The following KIZ variants were observed in gnomAD, a reference collection of about 807,000 sequenced individuals.
KIZ encodes the protein kizuna centrosomal protein, also known as centrosomal protein kizuna.
A neutral mutation model predicts 79.6 loss-of-function variants in KIZ; 68 were observed. The observed-to-expected ratio is 0.85, with a 90% confidence interval of 0.70 to 1.05. The LOEUF (loss-of-function observed/expected upper bound fraction) is 1.05. KIZ is among the 50% of genes least tolerant of loss of function. The pLI, the probability that KIZ is intolerant of heterozygous loss-of-function variation, is 0.00. For missense variants in KIZ, 797 were observed against 800.4 expected, an observed-to-expected ratio of 1.00 and a Z score of 0.05; for synonymous variants, 280 against 281.8, an observed-to-expected ratio of 0.99 and a Z score of 0.06.
chr20:21,127,339 A>C lies in KIZ; in HGVS notation c.89+1135A>C, dbSNP rs190919763. ...TGTAGAGCCTTCCCTGTTTCAACCCATTCCCTAACTTTTGTGACTCTTGGC... is the reference window on the plus strand; with the variant it reads ...TGTAGAGCCTTCCCTGTTTCAACCCCTTCCCTAACTTTTGTGACTCTTGGC... On this transcript the variant is annotated intron_variant, in intron 1 of 12. Transcript: ENST00000619189. 8.8e-4 allele frequency among the ~76,000 whole-genome samples: 134 copies of C among 152,300 alleles called. 1 individual carries two copies. Among genetic ancestry groups the C allele is most frequent in the African/African-American group, 3.1e-3 (130 of 41,566 alleles).
intron 4 of KIZ, among the ~76,000 whole-genome samples, chr20:21,161,600 G>A (rs896815363): frequency 6.6e-6 from 1 of 152,090 alleles, no homozygotes; most frequent in Non-Finnish European, 1.5e-5. Flanking sequence ...CCAAAGTGCT[G>A]GGATTACAGG....
intron 9 of KIZ, among the ~76,000 whole-genome samples, chr20:21,216,074 G>A (rs531700166): frequency 3.9e-5 from 6 of 152,102 alleles, no homozygotes; most frequent in African/African-American, 1.2e-4. Flanking sequence ...GGAAGCTTGC[G>A]TTTGCCTCAG....
At position 21,161,892 on chromosome 20, in the gene KIZ, A is replaced by G. The variant is rs1002025748; in HGVS notation, c.427A>G (p.Asn143Asp). Reference sequence around the variant, plus strand: ...GCAGGTTGCAGTGCACGAGGGGATTAACTCAGGAACAGCCATGTCAAGAGG... The same window carrying G: ...GCAGGTTGCAGTGCACGAGGGGATTGACTCAGGAACAGCCATGTCAAGAGG... ...REKVAVHEGI[N>D]SGTAMSRGLY... Residue 143 changes from asparagine (N) to aspartate (D), a missense_variant, in exon 5 of 13, where the codon AAC becomes GAC. Physicochemically the swap from Asn to Asp is conservative, Grantham distance 23. Transcript: ENST00000619189. The G allele has an allele frequency of 6.2e-7, 1 of 1,612,692 alleles. No individual in the cohort carries two copies. Among genetic ancestry groups the G allele is most frequent in the Non-Finnish European group, 8.5e-7 (1 of 1,178,964 alleles).
chr20:21,236,087 C>G (rs939506978), intron 11 of KIZ, among the ~76,000 whole-genome samples: 1 of 152,242 alleles, frequency 6.6e-6, no homozygotes, highest in African/African-American at 2.4e-5. Context: ...TGTCACGTTT[C>G]TTATCACAAG....
chr20:21,242,490 T>A (rs1444700284), intron 11 of KIZ, among the ~76,000 whole-genome samples: 1 of 150,732 alleles, frequency 6.6e-6, no homozygotes, highest in Non-Finnish European at 1.5e-5. Flanking sequence ...AGCTGATAGT[T>A]TTGTTGACCA....
At chr20:21,222,108 G>T (rs909377700) in intron 9 of KIZ, among the ~76,000 whole-genome samples, 1 of 152,258 alleles carries the variant, frequency 6.6e-6, no homozygotes, top group Non-Finnish European at 1.5e-5. Flanking sequence ...GGAGCCTGCT[G>T]CCTGCTACTT....
chr20:21,150,137 C>A (rs2033047098), intron 4 of KIZ, among the ~76,000 whole-genome samples: 1 of 152,232 alleles, frequency 6.6e-6, no homozygotes, highest in African/African-American at 2.4e-5. Context: ...AGGTCTGTCA[C>A]TACCAGAGTG....
chr20:21,221,286 A>T (rs906265150), intron 9 of KIZ, among the ~76,000 whole-genome samples: 2 of 152,222 alleles, frequency 1.3e-5, no homozygotes, highest in Non-Finnish European at 1.5e-5. Flanking sequence ...TCATAAAAAT[A>T]CAGCACCTAG....
intron 4 of KIZ, among the ~76,000 whole-genome samples, chr20:21,157,387 G>A (rs149395594): frequency 4.6e-5 from 7 of 152,278 alleles, no homozygotes; most frequent in African/African-American, 1.4e-4. Context: ...AGGACCCAGA[G>A]TTCAGTATTC....
At chr20:21,148,281 T>C (rs2032949841) in intron 4 of KIZ, among the ~76,000 whole-genome samples, 1 of 152,144 alleles carries the variant, frequency 6.6e-6, no homozygotes, top group African/African-American at 2.4e-5. Context: ...CTTTCAACCA[T>C]AGGCAGTAAC....
chr20:21,160,543 C>G (rs1275496213), intron 4 of KIZ, among the ~76,000 whole-genome samples: 3 of 152,114 alleles, frequency 2.0e-5, no homozygotes, highest in Non-Finnish European at 4.4e-5. Flanking sequence ...CATGTACTCC[C>G]CAGAACCTGT....
At chr20:21,181,119 G>A (rs2034637419) in intron 6 of KIZ, among the ~76,000 whole-genome samples, 1 of 152,222 alleles carries the variant, frequency 6.6e-6, no homozygotes, top group Non-Finnish European at 1.5e-5. Flanking sequence ...GAGGCCTGGA[G>A]ATAAGCAAGC....
At position 21,246,590 on chromosome 20, in the gene KIZ, T is replaced by C. The variant is rs950018489; in HGVS notation, c.*14T>C. 6.8e-7 allele frequency: 1 copy of C among 1,475,712 alleles called. No individual in the cohort carries two copies. Among genetic ancestry groups the C allele is most frequent in the Non-Finnish European group, 9.4e-7 (1 of 1,059,574 alleles). The allele number at this position is 1,475,712 out of a possible 1,614,324, so 91.4% of individuals were successfully genotyped here. ...TTTTATGACTAACGTGCTGTGACAT[T>C]GGTTTCAAATAAAGTCTTTAAACAA... On this transcript the variant is annotated 3_prime_UTR_variant, in exon 13 of 13. Transcript: ENST00000619189.
chr20:21,152,261 T>G (rs996969389), intron 4 of KIZ, among the ~76,000 whole-genome samples: 5 of 152,212 alleles, frequency 3.3e-5, no homozygotes, highest in African/African-American at 1.2e-4. Context: ...TTGCCTTATG[T>G]CTCATTTCTA....
At chr20:21,172,914 AAGGGAACCAC>A (rs2034274493) in intron 6 of KIZ, among the ~76,000 whole-genome samples, 3 of 152,186 alleles carry the variant, frequency 2.0e-5, no homozygotes, top group Non-Finnish European at 4.4e-5. Context: ...ATGCTAGGCA[AAGGGAACCAC>A]AGTACAGAGG....
intron 6 of KIZ, chr20:21,195,901 T>A (rs2035324560): frequency 6.6e-6 from 1 of 152,578 alleles, no homozygotes; most frequent in Non-Finnish European, 1.5e-5. Context: ...TTACCTTCCC[T>A]GTAGTCAGCT....
Position 21,148,311 on chromosome 20 carries a change from A to G in KIZ, c.405+2657A>G, listed in dbSNP as rs149944917. Among the ~76,000 whole-genome samples the G allele has an allele frequency of 4.9e-4, 74 of 152,324 alleles. No individual in the cohort carries two copies. The East Asian group carries it at 0.013, about 27-fold the overall frequency. ...AGTAACTTGGATGCCAAGAAAAGTCATCAAGTGGTGTGTGTCCATTTTTTA... is the reference window on the plus strand; with the variant it reads ...AGTAACTTGGATGCCAAGAAAAGTCGTCAAGTGGTGTGTGTCCATTTTTTA... On this transcript the variant is annotated intron_variant, in intron 4 of 12. Coordinates refer to ENST00000619189, the MANE Select transcript of KIZ (RefSeq NM_018474.6).
intron 9 of KIZ, among the ~76,000 whole-genome samples, chr20:21,222,250 TA>T (rs2036524241): frequency 6.6e-6 from 1 of 152,224 alleles, no homozygotes; most frequent in Non-Finnish European, 1.5e-5. Context: ...GATGAACTCA[TA>T]AATGCCAAGA....
intron 4 of KIZ, 119 bp downstream of exon 4, chr20:21,145,773 G>T (rs941428380): frequency 1.3e-5 from 6 of 450,790 alleles, no homozygotes; most frequent in African/African-American, 1.2e-4. Flanking sequence ...TAAACCTTAC[G>T]TGATTATTTA....
Sources: gnomAD v4.1 joint callset for allele counts (sites outside exome capture counted in the v4.1 genomes callset) on GRCh38, gnomAD v4.1.1 for gene constraint, MANE v1.5 for transcripts, NCBI Gene and HGNC (gene_info 2026-07-23, HGNC 2026-07-21) for gene names.